The following HDAC9 variants were observed in gnomAD, a reference collection of about 807,000 sequenced individuals.
The protein encoded by HDAC9 is histone deacetylase 9.
A neutral mutation model predicts 139.4 loss-of-function variants in HDAC9; 41 were observed. The ratio of observed to expected loss-of-function variants is 0.29; its 90% confidence interval spans 0.23 to 0.38. The LOEUF is 0.38. HDAC9 is among the 10% of genes least tolerant of loss of function. HDAC9 has a pLI of 1.00. For synonymous variants in HDAC9, 517 were observed against 476.2 expected (o/e 1.09, Z -1.12); for missense variants, 1,147 against 1,297.0 (o/e 0.88, Z 1.78).
intron 2 of HDAC9, among the ~76,000 whole-genome samples, chr7:18,228,102 T>C (rs1793194710): frequency 6.6e-6 from 1 of 152,230 alleles, no homozygotes; most frequent in South Asian, 2.1e-4. Flanking sequence ...CATTGTGCTT[T>C]ATCTGGTGGA....
intron 1 of HDAC9, among the ~76,000 whole-genome samples, chr7:18,121,725 A>G (rs1361050887): frequency 6.6e-6 from 1 of 152,154 alleles, no homozygotes; most frequent in Admixed American, 6.5e-5. Context: ...CATCAGGAAC[A>G]CTGAGGCCTA....
At chr7:18,455,922 T>C (rs527506923) in intron 1 of HDAC9, among the ~76,000 whole-genome samples, 21 of 152,276 alleles carry the variant, frequency 1.4e-4, no homozygotes, top group African/African-American at 4.8e-4. Context: ...CCAGAAAACA[T>C]TGAAACCAAA....
chr7:18,624,326 T>C (rs1184081075), intron 6 of HDAC9, among the ~76,000 whole-genome samples: 2 of 152,192 alleles, frequency 1.3e-5, no homozygotes, highest in Non-Finnish European at 2.9e-5. Context: ...ATTGAGGATA[T>C]TTTCTTTTAG....
At chr7:18,353,148 G>GT (rs1207488673) in intron 1 of HDAC9, among the ~76,000 whole-genome samples, 82 of 152,056 alleles carry the variant, frequency 5.4e-4, no homozygotes, top group Non-Finnish European at 7.4e-5. Context: ...ATGACCCTGT[G>GT]TTATGATACA....
At chr7:18,812,350 C>T (rs182712536) in intron 17 of HDAC9, among the ~76,000 whole-genome samples, 61 of 151,932 alleles carry the variant, frequency 4.0e-4, no homozygotes, top group South Asian at 2.9e-3. Context: ...CTTTCAACAT[C>T]GCTTGCACCA....
At chr7:18,195,114 C>G (rs1328285865) in intron 2 of HDAC9, among the ~76,000 whole-genome samples, 1 of 152,116 alleles carries the variant, frequency 6.6e-6, no homozygotes, top group Non-Finnish European at 1.5e-5. Flanking sequence ...AAAACTTATT[C>G]TCTATCTGAA....
chr7:18,375,189 G>T (rs1784895065), intron 1 of HDAC9, among the ~76,000 whole-genome samples: 1 of 152,224 alleles, frequency 6.6e-6, no homozygotes, highest in African/African-American at 2.4e-5. Flanking sequence ...AGATAACTTG[G>T]CTGGGTGAGG....
intron 25 of HDAC9, among the ~76,000 whole-genome samples, chr7:18,979,070 T>C (rs953670295): frequency 2.0e-5 from 3 of 152,232 alleles, no homozygotes; most frequent in Admixed American, 6.5e-5. Context: ...GTCTCTTTAA[T>C]CATTTAACTT....
rs1585533917 is a variant in HDAC9, at chr7:18,999,537, A to C, written c.*3475A>C. On this transcript the variant is annotated 3_prime_UTR_variant, in exon 26 of 26. Transcript: ENST00000686413. ...AATGGCGCAATCTCGACTCACTGCAACCTCCGCCTCCCGGGTTCAAGCAAT... is the reference window on the plus strand; with the variant it reads ...AATGGCGCAATCTCGACTCACTGCACCCTCCGCCTCCCGGGTTCAAGCAAT... 6.6e-6 allele frequency: 1 copy of C among 152,094 alleles called. No individual in the cohort carries two copies. Among genetic ancestry groups the C allele is most frequent in the Admixed American group, 6.6e-5 (1 of 15,244 alleles). The allele number at this position is 152,094 out of a possible 1,614,324, so 9.4% of individuals were successfully genotyped here. A position where few individuals can be genotyped will look rare whatever the true frequency, so the allele number is the denominator to read the frequency against.
At chr7:18,383,538 T>C (rs1218592317) in intron 1 of HDAC9, among the ~76,000 whole-genome samples, 2 of 152,090 alleles carry the variant, frequency 1.3e-5, no homozygotes, top group Non-Finnish European at 2.9e-5. Flanking sequence ...AAATAGTCCT[T>C]TACTTCACAT....
At chr7:18,679,743 CATAG>C (rs1781767998) in intron 12 of HDAC9, among the ~76,000 whole-genome samples, 2 of 151,662 alleles carry the variant, frequency 1.3e-5, no homozygotes, top group Admixed American at 1.3e-4. Flanking sequence ...CAGTATGAAG[CATAG>C]ATAATGGACT....
chr7:18,801,349 T>C (rs1050042719), intron 17 of HDAC9, among the ~76,000 whole-genome samples: 12 of 152,098 alleles, frequency 7.9e-5, no homozygotes, highest in Admixed American at 3.9e-4. Context: ...TAGGTGGCTA[T>C]TGGTATTATG....
intron 17 of HDAC9, among the ~76,000 whole-genome samples, chr7:18,806,901 A>G (rs1021222393): frequency 1.7e-4 from 26 of 152,164 alleles, no homozygotes; most frequent in African/African-American, 6.3e-4. Context: ...CATCAGGGAT[A>G]TTGGCCTGTA....
At chr7:18,226,526 A>G (rs775118903) in intron 2 of HDAC9, among the ~76,000 whole-genome samples, 5 of 152,098 alleles carry the variant, frequency 3.3e-5, no homozygotes, top group Non-Finnish European at 5.9e-5. Flanking sequence ...CTCCTTCCAT[A>G]AAAAAAACTA....
At chr7:18,185,507 A>T (rs551034543) in intron 2 of HDAC9, among the ~76,000 whole-genome samples, 5 of 152,236 alleles carry the variant, frequency 3.3e-5, no homozygotes, top group Non-Finnish European at 2.9e-5. Context: ...AATATTGTCT[A>T]TTAAGTTATG....
chr7:18,929,213 C>T (rs1804508377), intron 22 of HDAC9, among the ~76,000 whole-genome samples: 1 of 152,042 alleles, frequency 6.6e-6, no homozygotes, highest in African/African-American at 2.4e-5. Context: ...AATACTGACA[C>T]AATATGATTT....
At chr7:18,295,891 C>A (rs933057762) in intron 1 of HDAC9, among the ~76,000 whole-genome samples, 11 of 152,098 alleles carry the variant, frequency 7.2e-5, no homozygotes, top group South Asian at 2.1e-4. Context: ...GACAACCCCC[C>A]ACAACAAAGA....
intron 2 of HDAC9, among the ~76,000 whole-genome samples, chr7:18,243,386 A>G (rs540965739): frequency 6.6e-6 from 1 of 152,342 alleles, no homozygotes; most frequent in South Asian, 2.1e-4. Flanking sequence ...AGAATGATCC[A>G]TGTTTTGCCA....
chr7:18,388,049 A>C (rs1193962989), intron 1 of HDAC9, among the ~76,000 whole-genome samples: 1 of 152,208 alleles, frequency 6.6e-6, no homozygotes, highest in Non-Finnish European at 1.5e-5. Context: ...TCTAGTAAGA[A>C]TATTTTTAAA....
Sources: gnomAD v4.1 joint callset for allele counts (sites outside exome capture counted in the v4.1 genomes callset) on GRCh38, gnomAD v4.1.1 for gene constraint, MANE v1.5 for transcripts, NCBI Gene and HGNC (gene_info 2026-07-23, HGNC 2026-07-21) for gene names.